Variants in CFH observed in about 807,000 individuals in gnomAD.
CFH encodes H factor 1 (complement).
CFH carries 53 observed loss-of-function variants against 147.3 expected under a neutral mutation model. That is an observed-to-expected ratio of 0.36 (90% CI 0.29 to 0.45). CFH has a LOEUF of 0.45. Ranked by LOEUF, CFH falls within the 20% of genes least tolerant of loss-of-function variation. The pLI, the probability that CFH is intolerant of heterozygous loss-of-function variation, is 1.00. For missense variants in CFH, 1,380 were observed against 1,498.0 expected (o/e 0.92, Z 1.30); for synonymous variants, 536 against 489.4 (o/e 1.10, Z -1.26).
chr1:196,726,617 T>C lies in CFH; in HGVS notation c.2021T>C (p.Val674Ala). The C allele has an allele frequency of 3.7e-6, 6 of 1,611,894 alleles. No homozygotes were observed. Among genetic ancestry groups the C allele is most frequent in the Non-Finnish European group, 4.2e-6 (5 of 1,178,114 alleles). The part of the protein sequence containing the change: ...LMKGPNKIQC[V>A]DGEWTTLPVC... Reference sequence around the variant, plus strand: ...AAGGGACCTAATAAAATTCAATGTGTTGATGGAGAGTGGACAACTTTACCA... The same window carrying C: ...AAGGGACCTAATAAAATTCAATGTGCTGATGGAGAGTGGACAACTTTACCA... Residue 674 changes from valine to alanine, a missense_variant, in exon 13 of 22, where the codon GTT becomes GCT. Transcript: ENST00000367429.
intron 1 of CFH, among the ~76,000 whole-genome samples, chr1:196,667,098 A>G (rs1290413161): frequency 1.3e-5 from 2 of 152,200 alleles, no homozygotes; most frequent in Non-Finnish European, 1.5e-5. Context: ...ATCTCAAACT[A>G]TGATGGTGGA....
At chr1:196,713,014 C>T (rs1668761138) in intron 9 of CFH, among the ~76,000 whole-genome samples, 1 of 151,886 alleles carries the variant, frequency 6.6e-6, no homozygotes, top group Non-Finnish European at 1.5e-5. Flanking sequence ...TCCAGTCTAT[C>T]ATTGTTGAAC....
At chr1:196,683,139 A>T (rs1399441947) in intron 6 of CFH, among the ~76,000 whole-genome samples, 1 of 151,224 alleles carries the variant, frequency 6.6e-6, no homozygotes, top group Non-Finnish European at 1.5e-5. Context: ...TATAAAGTAA[A>T]GGAAAATAAT....
intron 9 of CFH, 118 bp from the exon 10 acceptor site, chr1:196,713,617 G>A (rs145321248): frequency 2.6e-4 from 183 of 696,938 alleles, no homozygotes; most frequent in Non-Finnish European, 2.3e-4. Flanking sequence ...AATGCTTATG[G>A]TTATCCAGGT....
In CFH at chr1:196,715,716, C is replaced by T; in HGVS notation, c.1643C>T (p.Thr548Ile). ...TATGAAAGCAATACTGGAAGCACCACTGGTTCCATAGTGTGTGGTTACAAT... is the reference window on the plus strand; with the variant it reads ...TATGAAAGCAATACTGGAAGCACCATTGGTTCCATAGTGTGTGGTTACAAT... ...DGYESNTGSTTGSIVCGYNGW... is the reference protein window; with the variant it reads ...DGYESNTGSTIGSIVCGYNGW... The change falls in exon 11 of 22, where the codon ACT becomes ATT. Residue 548 changes from threonine to isoleucine, a missense_variant. By Grantham distance (89) the Thr-to-Ile change is moderately conservative. This residue lies in a region of CFH where 830 missense variants were observed against 821.4 expected (regional missense o/e 1.01). Coordinates refer to ENST00000367429, the MANE Select transcript of CFH (RefSeq NM_000186.4). 1.2e-6 allele frequency: 2 copies of T among 1,612,628 alleles called. No individual in the cohort carries two copies. Among genetic ancestry groups the T allele is most frequent in the Non-Finnish European group, 8.5e-7 (1 of 1,179,022 alleles).
intron 3 of CFH, among the ~76,000 whole-genome samples, chr1:196,675,583 G>A (rs1268343515): frequency 3.3e-5 from 5 of 152,024 alleles, no homozygotes; most frequent in Admixed American, 2.6e-4. Context: ...GATAGTTCAT[G>A]GAGCTTACTA....
Position 196,713,767 on chromosome 1 carries a change from A to C in CFH, c.1369A>C (p.Asn457His). Residue 457 changes from asparagine (N) to histidine (H), a missense_variant, in exon 10 of 22, where the codon AAT (asparagine) becomes CAT (histidine). Transcript: ENST00000367429. ...TTCCAAATCAAGTATAGATATTGAG[A>C]ATGGGTTTATTTCTGAATCTCAGTA... ...TCSKSSIDIE[N>H]GFISESQYTY... 1 of 1,600,422 alleles carries C rather than the reference A, an allele frequency of 6.2e-7. No individual in the cohort carries two copies. Among genetic ancestry groups the C allele is most frequent in the Non-Finnish European group, 8.6e-7 (1 of 1,168,436 alleles).
chr1:196,741,777 T>C (rs920682860), intron 18 of CFH, 98 bp from the exon 19 acceptor site: 35 of 1,126,854 alleles, frequency 3.1e-5, no homozygotes, highest in Non-Finnish European at 4.3e-5. Flanking sequence ...ACAGTATTCA[T>C]TGATTCTATA....
chr1:196,671,625 C>G (rs1443992842), intron 1 of CFH, among the ~76,000 whole-genome samples: 2 of 147,734 alleles, frequency 1.4e-5, no homozygotes, highest in African/African-American at 2.5e-5. Context: ...CACACACACA[C>G]AGAGTATATA....
At chr1:196,746,086 T>C (rs1228825829) in intron 21 of CFH, 87 bp downstream of exon 21, 4 of 1,601,386 alleles carry the variant, frequency 2.5e-6, no homozygotes, top group African/African-American at 2.7e-5. Flanking sequence ...TCACAGATTA[T>C]TGAACAACCA....
intron 11 of CFH, among the ~76,000 whole-genome samples, chr1:196,718,682 A>G (rs781587383): frequency 9.2e-5 from 14 of 152,112 alleles, no homozygotes; most frequent in Non-Finnish European, 1.9e-4. Context: ...TTCTTCAAAA[A>G]AGAACACAAA....
intron 9 of CFH, among the ~76,000 whole-genome samples, chr1:196,713,266 T>A (rs1668766632): frequency 6.6e-6 from 1 of 152,168 alleles, no homozygotes; most frequent in Non-Finnish European, 1.5e-5. Flanking sequence ...ACAATAAGAA[T>A]GACATTTCAA....
At chr1:196,702,516 C>G in intron 9 of CFH, among the ~76,000 whole-genome samples, 1 of 96,738 alleles carries the variant, frequency 1.0e-5, no homozygotes, top group South Asian at 4.0e-4. Flanking sequence ...ATGGAAGGAA[C>G]AGGATTGAAA....
At chr1:196,680,259 T>G (rs763686624) in intron 6 of CFH, among the ~76,000 whole-genome samples, 5 of 151,012 alleles carry the variant, frequency 3.3e-5, no homozygotes, top group Admixed American at 1.3e-4. Flanking sequence ...AATATTTTTG[T>G]TAACAACAGG....
intron 1 of CFH, among the ~76,000 whole-genome samples, chr1:196,653,045 A>G (rs1666557614): frequency 6.6e-6 from 1 of 151,818 alleles, no homozygotes; most frequent in Non-Finnish European, 1.5e-5. Context: ...AAATCTTTTC[A>G]CTTAGTAAAG....
chr1:196,731,702 T>A (rs911861433), intron 15 of CFH, among the ~76,000 whole-genome samples: 1 of 151,980 alleles, frequency 6.6e-6, no homozygotes, highest in Non-Finnish European at 1.5e-5. Context: ...CTCTCTCAGC[T>A]TTTTTTCAAT....
At chr1:196,700,072 T>C (rs1668405132) in intron 9 of CFH, among the ~76,000 whole-genome samples, 1 of 152,204 alleles carries the variant, frequency 6.6e-6, no homozygotes. Context: ...TGCCAGCCAT[T>C]CTGAAAGGCT....
Position 196,740,712 on chromosome 1 carries a change from GT to G in CFH, c.2880del (p.Phe960LeufsTer15). On this transcript the variant is annotated frameshift_variant, in exon 18 of 22. Coordinates refer to ENST00000367429, the MANE Select transcript of CFH (RefSeq NM_000186.4). LOFTEE classifies it high-confidence loss of function. ...YQYGEEVTYK[C>X]FEGFGIDGPA... Reference sequence around the variant, plus strand: ...TATGGAGAAGAAGTTACGTACAAATGTTTTGAAGGTTTTGGAATTGATGGGC... The same window carrying G: ...TATGGAGAAGAAGTTACGTACAAATGTTTGAAGGTTTTGGAATTGATGGGC... 6.2e-7 allele frequency: 1 copy of G among 1,613,932 alleles called. No individual in the cohort carries two copies. The highest frequency in any genetic ancestry group is 8.5e-7 in the Non-Finnish European group (1 of 1,179,942).
chr1:196,734,800 A>G (rs1430987749), intron 15 of CFH, among the ~76,000 whole-genome samples: 1 of 151,962 alleles, frequency 6.6e-6, no homozygotes, highest in Admixed American at 6.6e-5. Flanking sequence ...TTCAAAAACC[A>G]ATTGTAATGC....
Sources: allele counts gnomAD v4.1 joint callset (sites outside exome capture counted in the v4.1 genomes callset), GRCh38; gene constraint gnomAD v4.1.1; regional missense constraint gnomAD v4.1.1; transcripts MANE v1.5; gene names NCBI Gene and HGNC (gene_info 2026-07-23, HGNC 2026-07-21).